KDR: variants seen among roughly 807,000 people sequenced by gnomAD.
The protein encoded by KDR is kinase insert domain receptor, also known as vascular endothelial growth factor receptor 2.
KDR carries 43 observed loss-of-function variants against 160.9 expected under a neutral mutation model. The observed-to-expected ratio is 0.27, with a 90% CI of 0.21 to 0.34. KDR has a LOEUF of 0.34. KDR is among the 10% of genes least tolerant of loss of function. The pLI, the probability that KDR is intolerant of heterozygous loss-of-function variation, is 1.00. For synonymous variants in KDR, 617 were observed against 600.1 expected, an observed-to-expected ratio of 1.03 and a Z score of -0.41; for missense variants, 1,469 against 1,666.4, an observed-to-expected ratio of 0.88 and a Z score of 2.06.
chr4:55,105,131 T>A lies in KDR; in HGVS notation c.1646-147A>T, dbSNP rs1720412513. On this transcript the variant is annotated intron_variant, in intron 12 of 29. Transcript: ENST00000263923. ...ATGTACTACAACTTGACAAACAAAC[T>A]AGACAATTCAGGTCCCAAAATATCT... is the stretch of plus-strand genomic sequence containing the variant. 1.3e-5 allele frequency: 9 copies of A among 700,134 alleles called. No homozygotes were observed. In the South Asian group the frequency reaches 1.5e-4, roughly 12 times the overall value. 43.4% of individuals were successfully genotyped at this position (700,134 alleles called of 1,614,324 possible).
intron 2 of KDR, among the ~76,000 whole-genome samples, chr4:55,119,281 A>G (rs1389073849): frequency 6.6e-6 from 1 of 152,164 alleles, no homozygotes; most frequent in Non-Finnish European, 1.5e-5. Flanking sequence ...TCAGCTTCAG[A>G]AGTCACTTAT....
At chr4:55,123,913 A>G (rs983928696) in intron 1 of KDR, among the ~76,000 whole-genome samples, 1 of 152,220 alleles carries the variant, frequency 6.6e-6, no homozygotes, top group Admixed American at 6.5e-5. Flanking sequence ...ATTCAGGGCG[A>G]CCGGCCTGCC....
rs1719768105 is a variant in KDR at position 55,082,727 on chromosome 4, T to C, written c.3663-92A>G. On this transcript the variant is annotated intron_variant, in intron 27 of 29. Transcript: ENST00000263923. ...CATTATCTTTCAACCACAAACTTAA[T>C]AGCAACCTTCAAAACATCCTTTAGA... The C allele has an allele frequency of 2.7e-5, 24 of 893,878 alleles. 1 individual carries two copies. Among genetic ancestry groups the C allele is most frequent in the Middle Eastern group, 4.4e-4 (2 of 4,570 alleles). 55.4% of individuals were successfully genotyped at this position (893,878 alleles called of 1,614,324 possible).
intron 26 of KDR, 23 bp from the exon 27 acceptor site, chr4:55,087,781 C>G (rs2110009422): frequency 6.2e-7 from 1 of 1,613,476 alleles, no homozygotes; most frequent in South Asian, 1.1e-5. Flanking sequence ...ACACAGAAGA[C>G]TGTTGTTATG....
chr4:55,110,548 G>T lies in KDR; in HGVS notation c.1110C>A (p.Pro370=), dbSNP rs202076044. 3 of 1,613,794 alleles carry T rather than the reference G, an allele frequency of 1.9e-6. No individual in the cohort carries two copies. Among genetic ancestry groups the T allele is most frequent in the Non-Finnish European group, 2.5e-6 (3 of 1,179,894 alleles). ...CTTTAATTGTGTGATTGGACTCAAGGGGTATTCCATTTTTATACCTATGAA... is the reference window on the plus strand; with the variant it reads ...CTTTAATTGTGTGATTGGACTCAAGTGGTATTCCATTTTTATACCTATGAA... ...PEIKWYKNGI[P]LESNHTIKAG... Residue 370 remains proline (P), a synonymous_variant, in exon 9 of 30, where the codon CCC becomes CCA. Coordinates refer to ENST00000263923, the MANE Select transcript of KDR (RefSeq NM_002253.4).
chr4:55,096,626 C>A, intron 18 of KDR: 1 of 451,728 alleles, frequency 2.2e-6, no homozygotes, highest in South Asian at 2.5e-5. Flanking sequence ...GAATCATGCC[C>A]AGATTCTCTT....
At chr4:55,109,303 G>C (rs757427138) in intron 9 of KDR, among the ~76,000 whole-genome samples, 1 of 151,828 alleles carries the variant, frequency 6.6e-6, no homozygotes, top group East Asian at 1.9e-4. Context: ...GGCTGGTCTC[G>C]AACTCCTGAC....
In KDR at chr4:55,080,099, A is replaced by T; in HGVS notation, c.3913T>A (p.Tyr1305Asn). 6.2e-7 allele frequency: 1 copy of T among 1,614,086 alleles called. No homozygotes were observed. The highest frequency in any genetic ancestry group is 8.5e-7 in the Non-Finnish European group (1 of 1,180,038). The part of the protein sequence containing the change: ...ASEGSNQTSG[Y>N]QSGYHSDDTD... The stretch of plus-strand genomic sequence containing the variant: ...TCATCGGAGTGATATCCGGACTGGT[A>T]GCCGCTTGTCTGGTTTGAGCCTTCA... Residue 1305 changes from tyrosine to asparagine, a missense_variant, in exon 30 of 30, where the codon TAC becomes AAC. Physicochemically the swap from Tyr to Asn is moderately radical, Grantham distance 143. Transcript: ENST00000263923.
At chr4:55,089,648 C>A (rs768899783) in intron 24 of KDR, 43 bp downstream of exon 24, 1 of 1,553,512 alleles carries the variant, frequency 6.4e-7, no homozygotes, top group East Asian at 2.2e-5. Context: ...CTTTTGTCTT[C>A]CTCTTTGGAG....
At chr4:55,113,867 A>C (rs1720659667) in intron 6 of KDR, among the ~76,000 whole-genome samples, 1 of 152,258 alleles carries the variant, frequency 6.6e-6, no homozygotes, top group South Asian at 2.1e-4. Flanking sequence ...GTAATCACCT[A>C]GAGAAAACTA....
intron 27 of KDR, 137 bp downstream of exon 27, chr4:55,087,470 T>G (rs959836154): frequency 4.8e-5 from 36 of 748,178 alleles, no homozygotes; most frequent in Non-Finnish European, 6.2e-5. Context: ...TTCCCCATTA[T>G]GTTAACCTCA....
intron 11 of KDR, 117 bp downstream of exon 11, chr4:55,106,570 G>A (rs368562658): frequency 7.4e-5 from 59 of 800,320 alleles, no homozygotes; most frequent in African/African-American, 2.2e-4. Flanking sequence ...GACTTAATAC[G>A]CTCTATTTAA....
rs959886598 is a variant in KDR at position 55,079,470 on chromosome 4, G to T, written c.*471C>A. 2.0e-5 allele frequency: 6 copies of T among 293,238 alleles called. No homozygotes were observed. The highest frequency in any genetic ancestry group is 1.0e-4 in the African/African-American group (5 of 47,720). The allele number at this position is 293,238 out of a possible 1,614,324, so 18.2% of individuals were successfully genotyped here. A position where few individuals can be genotyped will look rare whatever the true frequency, so the allele number is the denominator to read the frequency against. ...TATCAATCCGAATTCCACACTTAAG[G>T]CTTGGCTTGGGACCCACGTCCTAAA... On this transcript the variant is annotated 3_prime_UTR_variant, in exon 30 of 30. Transcript: ENST00000263923.
At chr4:55,092,849 T>A in intron 21 of KDR, 135 bp from the exon 22 acceptor site, 1 of 699,254 alleles carries the variant, frequency 1.4e-6, no homozygotes, top group Non-Finnish European at 2.6e-6. Context: ...AGTCAATGCT[T>A]CTATCTTCTG....
chr4:55,089,336 A>C lies in KDR; in HGVS notation c.3404+38T>G, dbSNP rs537932665. 1.0e-5 allele frequency: 15 copies of C among 1,474,064 alleles called. No homozygotes were observed. The South Asian group carries it at 1.5e-4, about 15-fold the overall frequency. 91.3% of individuals were successfully genotyped at this position (1,474,064 alleles called of 1,614,324 possible). ...TTCCAGGCAAGGAGAATTTGCGAGC[A>C]AAGAAAGAGAACACAGGAATACTTC... On this transcript the variant is annotated intron_variant, in intron 25 of 29. Transcript: ENST00000263923.
Position 55,089,421 on chromosome 4 carries a change from C to G in KDR, c.3357G>C (p.Leu1119Phe), listed in dbSNP as rs267600190. The G allele has an allele frequency of 3.1e-6, 5 of 1,613,114 alleles. No individual in the cohort carries two copies. The highest frequency in any genetic ancestry group is 4.2e-6 in the Non-Finnish European group (5 of 1,179,454). ...VKIDEEFCRRLKEGTRMRAPD... is the reference protein window; with the variant it reads ...VKIDEEFCRRFKEGTRMRAPD... ...GGGCCCTCATTCTAGTTCCTTCTTT[C>G]AATCGCCTACAAAATTCTTCATCAA... The change falls in exon 25 of 30, where the codon TTG becomes TTC. Residue 1119 changes from leucine (L) to phenylalanine (F), a missense_variant. Physicochemically the swap from Leu to Phe is conservative, Grantham distance 22. This residue lies in a region of KDR where 132 missense variants were observed against 195.9 expected (regional missense o/e 0.67). Transcript: ENST00000263923.
At chr4:55,117,675 T>G (rs1055499760) in intron 3 of KDR, among the ~76,000 whole-genome samples, 2 of 152,172 alleles carry the variant, frequency 1.3e-5, no homozygotes, top group East Asian at 1.9e-4. Flanking sequence ...GGGAAAAAAG[T>G]CTAAGTCATC....
At chr4:55,100,135 C>T (rs1416616383) in intron 15 of KDR, among the ~76,000 whole-genome samples, 1 of 152,144 alleles carries the variant, frequency 6.6e-6, no homozygotes, top group Non-Finnish European at 1.5e-5. Context: ...AACCGGGCCA[C>T]AAGCTGTGCG....
intron 29 of KDR, among the ~76,000 whole-genome samples, chr4:55,081,591 A>T (rs1719737035): frequency 6.6e-6 from 1 of 152,222 alleles, no homozygotes; most frequent in African/African-American, 2.4e-5. Context: ...ACCCATTTGT[A>T]TACAGACTTA....
Sources: gnomAD v4.1 joint callset for allele counts (sites outside exome capture counted in the v4.1 genomes callset) on GRCh38, gnomAD v4.1.1 for gene constraint, gnomAD v4.1.1 regional missense constraint, MANE v1.5 for transcripts, NCBI Gene and HGNC (gene_info 2026-07-23, HGNC 2026-07-21) for gene names.